FER: variants seen among roughly 807,000 people sequenced by gnomAD.
FER encodes the protein FER tyrosine kinase.
A neutral mutation model predicts 111.0 loss-of-function variants in FER; 63 were observed. The ratio of observed to expected loss-of-function variants is 0.57; its 90% CI spans 0.46 to 0.70. The LOEUF (loss-of-function observed/expected upper bound fraction) is 0.70, where lower values mean the gene tolerates loss of function less well. Among genes scored for constraint, FER ranks in the 30% least tolerant of loss-of-function variants. The probability of loss-of-function intolerance (pLI) is 0.00; values close to 1 mark genes in which losing one functional copy is unlikely to be tolerated. For synonymous variants in FER, 327 were observed against 313.9 expected, an observed-to-expected ratio of 1.04 and a Z score of -0.44; for missense variants, 914 against 954.0, an observed-to-expected ratio of 0.96 and a Z score of 0.55.
intron 2 of FER, among the ~76,000 whole-genome samples, chr5:108,771,501 G>C (rs572477009): frequency 1.4e-4 from 21 of 152,170 alleles, no homozygotes; most frequent in African/African-American, 5.1e-4. Context: ...TCTGTGACCT[G>C]CCCAAGATCA....
intron 9 of FER, among the ~76,000 whole-genome samples, chr5:108,889,349 A>G (rs1044355794): frequency 5.3e-5 from 8 of 151,908 alleles, no homozygotes; most frequent in African/African-American, 1.7e-4. Flanking sequence ...CCTATACACA[A>G]TGGACTACTA....
intron 3 of FER, among the ~76,000 whole-genome samples, chr5:108,817,085 C>G (rs1212228324): frequency 9.6e-6 from 1 of 104,436 alleles, no homozygotes. Flanking sequence ...TCCTGGGCAA[C>G]AGAGCAAGAC....
At chr5:109,115,257 A>C (rs1582094287) in intron 17 of FER, among the ~76,000 whole-genome samples, 1 of 152,134 alleles carries the variant, frequency 6.6e-6, no homozygotes, top group East Asian at 1.9e-4. Flanking sequence ...GGCCTAAACT[A>C]TAGTAGTGAT....
intron 13 of FER, among the ~76,000 whole-genome samples, chr5:108,989,436 A>G (rs1762922554): frequency 6.6e-6 from 1 of 152,076 alleles, no homozygotes; most frequent in South Asian, 2.1e-4. Flanking sequence ...ATTAAGAATC[A>G]TTAAGAAATA....
In FER at chr5:109,194,894, G is replaced by GC. The variant is rs893853735; in HGVS notation, c.*7325dup. 4.0e-5 allele frequency: 6 copies of GC among 151,814 alleles called. No individual in the cohort carries two copies. The highest frequency in any genetic ancestry group is 6.6e-5 in the Admixed American group (1 of 15,230). 9.4% of individuals were successfully genotyped at this position (151,814 alleles called of 1,614,324 possible). A position where few individuals can be genotyped will look rare whatever the true frequency, so the allele number is the denominator to read the frequency against. Reference sequence around the variant, plus strand: ...GTATTTATGAAACAAAAAACTAAATGCCCCCCATTTGGGGACGGGGGGAGG... The same window carrying GC: ...GTATTTATGAAACAAAAAACTAAATGCCCCCCCATTTGGGGACGGGGGGAGG... On this transcript the variant is annotated 3_prime_UTR_variant, in exon 20 of 20. Transcript: ENST00000281092.
chr5:108,983,158 A>G (rs535560588), intron 13 of FER, among the ~76,000 whole-genome samples: 1 of 152,146 alleles, frequency 6.6e-6, no homozygotes, highest in South Asian at 2.1e-4. Context: ...ACAATATGGA[A>G]ATATGTACGG....
At chr5:108,938,245 C>CA (rs1291839155) in intron 10 of FER, among the ~76,000 whole-genome samples, 5 of 150,556 alleles carry the variant, frequency 3.3e-5, no homozygotes. Context: ...CCTCATGTTT[C>CA]AAAAAAAGGA....
chr5:108,809,952 C>G (rs1303442409), intron 3 of FER, among the ~76,000 whole-genome samples: 1 of 152,182 alleles, frequency 6.6e-6, no homozygotes, highest in African/African-American at 2.4e-5. Context: ...TTGGTGATGT[C>G]ACTACATTCA....
chr5:109,180,385 G>A (rs1368695087), intron 17 of FER, among the ~76,000 whole-genome samples: 9 of 152,332 alleles, frequency 5.9e-5, no homozygotes, highest in Admixed American at 6.5e-5. Context: ...AGCAGCACAT[G>A]TGGCAGATGG....
At chr5:109,150,703 G>A (rs1287517980) in intron 17 of FER, among the ~76,000 whole-genome samples, 1 of 152,084 alleles carries the variant, frequency 6.6e-6, no homozygotes, top group Non-Finnish European at 1.5e-5. Context: ...AGTTGTTTAT[G>A]TTTCTCCCCT....
intron 6 of FER, among the ~76,000 whole-genome samples, chr5:108,868,801 T>C (rs139097064): frequency 5.6e-4 from 85 of 152,238 alleles, no homozygotes; most frequent in Non-Finnish European, 9.4e-4. Context: ...GGTTCTTGCA[T>C]TGTACTTAAT....
rs554037946 is a variant in FER at position 109,013,349 on chromosome 5, G to C, written c.1657-24073G>C. Among the ~76,000 whole-genome samples, 14 of 150,802 alleles carry C rather than the reference G, an allele frequency of 9.3e-5. No homozygotes were observed. In the South Asian group the frequency reaches 2.7e-3, roughly 29 times the overall value. ...GCGGTGTTTGGTTTTTTGTCCTTGC[G>C]ATAGTTTACTGAGAATGATGATTTC... On this transcript the variant is annotated intron_variant, in intron 13 of 19. Coordinates refer to ENST00000281092, the MANE Select transcript of FER (RefSeq NM_005246.4).
rs548057315 is a variant in FER, at chr5:109,123,082, T to G, written c.2048+22563T>G. 4.1e-4 allele frequency among the ~76,000 whole-genome samples: 62 copies of G among 152,126 alleles called. No individual in the cohort carries two copies. The South Asian group carries it at 4.4e-3, about 11-fold the overall frequency. ...ATTTATATTCAATGTTATTGTTAAG[T>G]AAGGACTTACTCCTGCCATTTTGTT... On this transcript the variant is annotated intron_variant, in intron 17 of 19. Transcript: ENST00000281092.
At chr5:108,977,881 A>G (rs1359364584) in intron 13 of FER, among the ~76,000 whole-genome samples, 3 of 151,932 alleles carry the variant, frequency 2.0e-5, no homozygotes, top group East Asian at 1.9e-4. Context: ...GAGTCTCACT[A>G]TGTCACCCAG....
At chr5:109,153,209 T>TTA (rs1460419581) in intron 17 of FER, among the ~76,000 whole-genome samples, 2 of 145,964 alleles carry the variant, frequency 1.4e-5, no homozygotes, top group Non-Finnish European at 3.0e-5. Context: ...GATTTTATGG[T>TTA]AAAAAAAAAA....
Position 108,798,102 on chromosome 5 carries a change from TCTC to T in FER, c.-59-21_-59-19del. On this transcript the variant is annotated intron_variant, in intron 2 of 19. Coordinates refer to ENST00000281092, the MANE Select transcript of FER (RefSeq NM_005246.4). ...AATTTCCTTTTTATTTAAGAGTTTT[TCTC>T]TTTTGTTTACATACACAGATATGTG... 7.3e-6 allele frequency: 7 copies of T among 964,560 alleles called. No individual in the cohort carries two copies. Among genetic ancestry groups the T allele is most frequent in the East Asian group, 2.6e-5 (1 of 38,536 alleles). 59.8% of individuals were successfully genotyped at this position (964,560 alleles called of 1,614,324 possible).
chr5:108,847,384 CTT>C (rs1028725818), intron 5 of FER, among the ~76,000 whole-genome samples: 14 of 151,726 alleles, frequency 9.2e-5, no homozygotes, highest in African/African-American at 3.4e-4. Flanking sequence ...GTTTTTATGA[CTT>C]TATTTCTTTT....
intron 17 of FER, among the ~76,000 whole-genome samples, chr5:109,139,868 C>G (rs939400216): frequency 6.6e-6 from 1 of 152,120 alleles, no homozygotes; most frequent in Non-Finnish European, 1.5e-5. Flanking sequence ...CTGACAGGAT[C>G]TACACCGTGC....
At chr5:108,887,935 T>A (rs1180348207) in intron 9 of FER, among the ~76,000 whole-genome samples, 1 of 151,882 alleles carries the variant, frequency 6.6e-6, no homozygotes, top group Non-Finnish European at 1.5e-5. Context: ...TAAATGATTA[T>A]TTAATTTTGT....
Sources: gnomAD v4.1 joint callset for allele counts (sites outside exome capture counted in the v4.1 genomes callset) on GRCh38, gnomAD v4.1.1 for gene constraint, MANE v1.5 for transcripts, NCBI Gene and HGNC (gene_info 2026-07-23, HGNC 2026-07-21) for gene names.